The following LRRCC1 variants were observed in gnomAD, a reference collection of about 807,000 sequenced individuals.
LRRCC1 encodes leucine-rich repeat and coiled-coil domain-containing protein 1.
LRRCC1 carries 115 observed loss-of-function variants against 126.0 expected under a neutral mutation model. That is an observed-to-expected ratio of 0.91 (90% CI 0.78 to 1.07). The LOEUF (loss-of-function observed/expected upper bound fraction) is 1.07. LRRCC1 is among the 50% of genes least tolerant of loss of function. LRRCC1 has a pLI of 0.00. For synonymous variants in LRRCC1, 400 were observed against 393.4 expected (o/e 1.02, Z -0.20); for missense variants, 1,172 against 1,175.7 (o/e 1.00, Z 0.05).
intron 17 of LRRCC1, among the ~76,000 whole-genome samples, 197 bp from the exon 18 acceptor site, chr8:85,141,185 A>G (rs536261757): frequency 6.6e-6 from 1 of 152,336 alleles, no homozygotes; most frequent in Non-Finnish European, 1.5e-5. Flanking sequence ...ACCTAATGTT[A>G]TCCTAATAGA....
chr8:85,108,742 G>T (rs1434720630), intron 1 of LRRCC1: 2 of 152,204 alleles, frequency 1.3e-5, no homozygotes, highest in African/African-American at 4.8e-5. Context: ...TCCTACAGCT[G>T]TAAGATAGCT....
At chr8:85,113,217 T>A in intron 4 of LRRCC1, 118 bp downstream of exon 4, 2 of 700,780 alleles carry the variant, frequency 2.9e-6, no homozygotes, top group Non-Finnish European at 4.8e-6. Context: ...TTTTCTATAT[T>A]GGGGAAAACA....
intron 12 of LRRCC1, among the ~76,000 whole-genome samples, chr8:85,132,371 CTTTCTTTT>C (rs1810538066): frequency 8.6e-6 from 1 of 116,446 alleles, no homozygotes; most frequent in African/African-American, 3.6e-5. Flanking sequence ...CAGTTGAGTA[CTTTCTTTT>C]TTTTTTTTTT....
chr8:85,136,907 C>A (rs1017345602), intron 14 of LRRCC1, among the ~76,000 whole-genome samples: 3 of 151,426 alleles, frequency 2.0e-5, no homozygotes, highest in Non-Finnish European at 4.4e-5. Context: ...CTCACTACAA[C>A]TCCACCTCCC....
At position 85,135,902 on chromosome 8, in the gene LRRCC1, A is replaced by G; in HGVS notation, c.2268A>G (p.Glu756=). ...TTATTTCTGAGCTAGCAGCCAAGGA[A>G]TCACTAATATTTGGTTTAAGGACAG... ...VQLISELAAK[E]SLIFGLRTER... Residue 756 remains glutamate (E), a synonymous_variant, in exon 14 of 19, where the codon GAA becomes GAG. Coordinates refer to ENST00000360375, the MANE Select transcript of LRRCC1 (RefSeq NM_033402.5). 1 of 1,608,422 alleles carries G rather than the reference A, an allele frequency of 6.2e-7. No homozygotes were observed. Among genetic ancestry groups the G allele is most frequent in the Non-Finnish European group, 8.5e-7 (1 of 1,176,872 alleles).
At chr8:85,121,419 T>TG (rs1490005230) in intron 6 of LRRCC1, among the ~76,000 whole-genome samples, 25 of 152,146 alleles carry the variant, frequency 1.6e-4, no homozygotes, top group African/African-American at 4.3e-4. Context: ...TTTTTTGTTT[T>TG]GTTTTTTGTT....
At position 85,138,393 on chromosome 8, in the gene LRRCC1, C is replaced by T. The variant is rs771667062; in HGVS notation, c.2758C>T (p.Gln920Ter). Residue 920 changes from glutamine to a stop codon, truncating the protein, a stop_gained, in exon 17 of 19, where the codon CAA becomes TAA. Coordinates refer to ENST00000360375, the MANE Select transcript of LRRCC1 (RefSeq NM_033402.5). LOFTEE classifies it high-confidence loss of function. ...AGAACTTCTATGTCATCTTGAAACA[C>T]AAGTAAAAGAAGTGAAAGAAAAATT... Reference protein sequence around the residue: ...KGELLCHLETQVKEVKEKFEN... With the variant: ...KGELLCHLET 6.2e-7 allele frequency: 1 copy of T among 1,611,324 alleles called. No homozygotes were observed. Among genetic ancestry groups the T allele is most frequent in the Non-Finnish European group, 8.5e-7 (1 of 1,178,552 alleles).
At chr8:85,112,796 T>A (rs892801856) in intron 3 of LRRCC1, 136 bp from the exon 4 acceptor site, 1 of 462,948 alleles carries the variant, frequency 2.2e-6, no homozygotes, top group Non-Finnish European at 3.8e-6. Flanking sequence ...AGCCTATTCA[T>A]TAGATATAGC....
Position 85,126,772 on chromosome 8 carries a change from T to C in LRRCC1, c.1356T>C (p.Asp452=). The C allele has an allele frequency of 6.2e-7, 1 of 1,612,982 alleles. No homozygotes were observed. The highest frequency in any genetic ancestry group is 8.5e-7 in the Non-Finnish European group (1 of 1,179,684). Residue 452 remains aspartate (D), a synonymous_variant, in exon 9 of 19, where the codon GAT becomes GAC. Transcript: ENST00000360375. Reference sequence around the variant, plus strand: ...AAAATAAACTCATGGATTATATTGATGAGCTGCATAAACATGCAAATGAAA... The same window carrying C: ...AAAATAAACTCATGGATTATATTGACGAGCTGCATAAACATGCAAATGAAA... ...QAENKLMDYI[D]ELHKHANEKE...
chr8:85,110,223 C>T, intron 3 of LRRCC1, 43 bp downstream of exon 3: 2 of 833,870 alleles, frequency 2.4e-6, no homozygotes, highest in Non-Finnish European at 3.6e-6. Flanking sequence ...AAATGTTGTG[C>T]CACATGTGAT....
chr8:85,144,604 A>G (rs1811535651), intron 18 of LRRCC1, among the ~76,000 whole-genome samples: 1 of 146,832 alleles, frequency 6.8e-6, no homozygotes, highest in Non-Finnish European at 1.5e-5. Context: ...GTAGCTGGGT[A>G]CAGTTGTGTA....
At chr8:85,138,596 G>GT in intron 17 of LRRCC1, 121 bp downstream of exon 17, 1 of 1,022,242 alleles carries the variant, frequency 9.8e-7, no homozygotes. Flanking sequence ...TTGCCAAGAA[G>GT]TTTATTTCCA....
intron 2 of LRRCC1, 88 bp downstream of exon 2, chr8:85,109,888 A>T (rs1050133126): frequency 4.2e-5 from 29 of 698,710 alleles, no homozygotes; most frequent in Middle Eastern, 3.4e-4. Context: ...TAAATATCAG[A>T]AACTCTTAAA....
intron 4 of LRRCC1, 129 bp from the exon 5 acceptor site, chr8:85,114,971 C>A: frequency 1.6e-6 from 1 of 614,938 alleles, no homozygotes; most frequent in South Asian, 3.2e-5. Context: ...GAATAAGTAA[C>A]AAGTTTATTA....
intron 13 of LRRCC1, among the ~76,000 whole-genome samples, chr8:85,135,264 A>G (rs1203614066): frequency 6.6e-6 from 1 of 152,214 alleles, no homozygotes; most frequent in Non-Finnish European, 1.5e-5. Flanking sequence ...AACATGTTCA[A>G]TTAAATAGGT....
At chr8:85,137,803 A>G (rs1009868063) in intron 15 of LRRCC1, among the ~76,000 whole-genome samples, 176 bp downstream of exon 15, 1 of 152,160 alleles carries the variant, frequency 6.6e-6, no homozygotes, top group Non-Finnish European at 1.5e-5. Context: ...TCTACATGAT[A>G]TTTATTAATT....
intron 6 of LRRCC1, among the ~76,000 whole-genome samples, chr8:85,120,923 T>C (rs1461933684): frequency 4.6e-5 from 7 of 152,194 alleles, no homozygotes; most frequent in Non-Finnish European, 8.8e-5. Flanking sequence ...TATGTATAAG[T>C]TTTTGTGTGG....
In LRRCC1 at chr8:85,129,345, T is replaced by C; in HGVS notation, c.1592T>C (p.Met531Thr). The C allele has an allele frequency of 6.2e-7, 1 of 1,611,810 alleles. No homozygotes were observed. Among genetic ancestry groups the C allele is most frequent in the South Asian group, 1.1e-5 (1 of 90,302 alleles). Residue 531 changes from methionine to threonine, a missense_variant, in exon 10 of 19, where the codon ATG (methionine) becomes ACG (threonine). By Grantham distance (81) the Met-to-Thr change is moderately conservative (BLOSUM62 -1). Coordinates refer to ENST00000360375, the MANE Select transcript of LRRCC1 (RefSeq NM_033402.5). ...LRTLEKTLEK[M>T]ERQKRQQQAA... is the part of the protein sequence containing the mutation. Reference sequence around the variant, plus strand: ...ACCCTCGAAAAAACATTAGAAAAAATGGAGAGACAAAAAAGGCAGCAGCAG... The same window carrying C: ...ACCCTCGAAAAAACATTAGAAAAAACGGAGAGACAAAAAAGGCAGCAGCAG...
At chr8:85,129,450 T>C (rs1810275510) in intron 10 of LRRCC1, 71 bp downstream of exon 10, 2 of 1,288,096 alleles carry the variant, frequency 1.6e-6, no homozygotes, top group African/African-American at 3.0e-5. Context: ...TGAAACAAAT[T>C]ATACTACCTA....
Sources: allele counts gnomAD v4.1 joint callset (sites outside exome capture counted in the v4.1 genomes callset), GRCh38; gene constraint gnomAD v4.1.1; transcripts MANE v1.5; gene names NCBI Gene and HGNC (gene_info 2026-07-23, HGNC 2026-07-21).